PRTG: variants seen among roughly 807,000 people sequenced by gnomAD.
The protein encoded by PRTG is immunoglobulin superfamily, DCC subclass, member 5.
PRTG carries 67 observed loss-of-function variants against 122.5 expected under a neutral mutation model. The observed-to-expected ratio is 0.55, with a 90% confidence interval of 0.45 to 0.67. The LOEUF is 0.67. PRTG is among the 30% of genes least tolerant of loss of function. The pLI is 0.00. For missense variants in PRTG, 1,435 were observed against 1,415.4 expected (o/e 1.01, Z -0.22); for synonymous variants, 554 against 501.1 (o/e 1.11, Z -1.41).
At chr15:55,736,470 C>T (rs1348518603) in intron 2 of PRTG, among the ~76,000 whole-genome samples, 1 of 151,552 alleles carries the variant, frequency 6.6e-6, no homozygotes, top group Non-Finnish European at 1.5e-5. Context: ...TTATGCATTA[C>T]TTTTTAATAC....
rs752818652 is a variant in PRTG, at chr15:55,620,063, G to A, written c.3402C>T (p.Asn1134=). 8 of 1,614,040 alleles carry A rather than the reference G, an allele frequency of 5.0e-6. No homozygotes were observed. The highest frequency in any genetic ancestry group is 2.2e-5 in the South Asian group (2 of 91,078). The change falls in exon 20 of 20, where the codon AAC becomes AAT. Residue 1134 remains asparagine, a synonymous_variant. Transcript: ENST00000389286. ...TAACTGAGGACAGATGTATCTCATC[G>A]TTGGACTCATGAGAAAACCGCCCAG... ...GDSGRFSHES[N]DEIHLSSVIS...
At chr15:55,660,361 T>TA (rs1417503258) in intron 11 of PRTG, among the ~76,000 whole-genome samples, 1 of 151,958 alleles carries the variant, frequency 6.6e-6, no homozygotes, top group African/African-American at 2.4e-5. Flanking sequence ...GGGTTTCTTT[T>TA]AAAAAAAAGA....
intron 17 of PRTG, 52 bp from the exon 18 acceptor site, chr15:55,624,559 C>G: frequency 6.6e-7 from 1 of 1,509,480 alleles, no homozygotes; most frequent in African/African-American, 1.4e-5. Flanking sequence ...AAGATGCAGG[C>G]AAATGAACCA....
chr15:55,705,557 G>A (rs1243680258), intron 2 of PRTG, among the ~76,000 whole-genome samples: 2 of 152,070 alleles, frequency 1.3e-5, no homozygotes, highest in Admixed American at 6.6e-5. Context: ...AGGTTCAAGC[G>A]ATTCTCCTGC....
At chr15:55,742,655 A>T (rs2031650088) in intron 1 of PRTG, 183 bp downstream of exon 1, 1 of 676,692 alleles carries the variant, frequency 1.5e-6, no homozygotes, top group East Asian at 3.2e-5. Context: ...GCCGCAAGCA[A>T]CTAGTGTCTG....
At chr15:55,680,252 A>C (rs758208556) in intron 5 of PRTG, 40 bp from the exon 6 acceptor site, 34 of 1,470,146 alleles carry the variant, frequency 2.3e-5, no homozygotes, top group Non-Finnish European at 2.9e-5. Context: ...CAATGTAACA[A>C]ATAACCTGAA....
intron 2 of PRTG, among the ~76,000 whole-genome samples, chr15:55,729,128 C>T (rs2031141802): frequency 6.6e-6 from 1 of 152,118 alleles, no homozygotes; most frequent in Non-Finnish European, 1.5e-5. Context: ...ATTCAAGTGT[C>T]CAACAGATGA....
intron 13 of PRTG, 46 bp downstream of exon 13, chr15:55,639,596 G>T: frequency 1.3e-6 from 2 of 1,537,860 alleles, no homozygotes; most frequent in Non-Finnish European, 1.8e-6. Context: ...GAGTGGGGGT[G>T]TGGTGAGGTA....
chr15:55,706,608 T>G (rs978133720), intron 2 of PRTG, among the ~76,000 whole-genome samples: 19 of 143,600 alleles, frequency 1.3e-4, no homozygotes, highest in African/African-American at 4.6e-4. Flanking sequence ...AAAAAAAAAG[T>G]TGTTTTAATT....
intron 2 of PRTG, among the ~76,000 whole-genome samples, chr15:55,723,132 T>C (rs1489140598): frequency 2.6e-5 from 4 of 152,054 alleles, no homozygotes; most frequent in African/African-American, 4.8e-5. Context: ...AGGGAAACCT[T>C]GCGGCATGCC....
intron 11 of PRTG, among the ~76,000 whole-genome samples, chr15:55,659,626 A>T (rs1192159367): frequency 6.6e-6 from 1 of 152,132 alleles, no homozygotes; most frequent in Non-Finnish European, 1.5e-5. Flanking sequence ...CCTAATGGGT[A>T]ATCACTTAAC....
chr15:55,619,852 C>A lies in PRTG; in HGVS notation c.*160G>T. The A allele has an allele frequency of 8.2e-7, 1 of 1,212,720 alleles. No individual in the cohort carries two copies. Among genetic ancestry groups the A allele is most frequent in the Non-Finnish European group, 1.1e-6 (1 of 882,042 alleles). 75.1% of individuals were successfully genotyped at this position (1,212,720 alleles called of 1,614,324 possible). A position where few individuals can be genotyped will look rare whatever the true frequency, so the allele number is the denominator to read the frequency against. ...AGATTTAATGGTGAGAATACCTGAG[C>A]ATGGCCGTCTAGATTGGAAAATCAT... On this transcript the variant is annotated 3_prime_UTR_variant, in exon 20 of 20. Transcript: ENST00000389286.
intron 2 of PRTG, among the ~76,000 whole-genome samples, chr15:55,690,915 T>C (rs2059596934): frequency 2.0e-5 from 3 of 152,216 alleles, no homozygotes; most frequent in African/African-American, 4.8e-5. Context: ...AGTTTGCAGC[T>C]AGTAAGTGGT....
intron 2 of PRTG, among the ~76,000 whole-genome samples, chr15:55,711,740 A>G (rs551641293): frequency 1.3e-5 from 2 of 152,316 alleles, no homozygotes; most frequent in East Asian, 3.9e-4. Flanking sequence ...TGATCAGCCA[A>G]TCCTGGCCCT....
chr15:55,651,624 A>G (rs1286456677), intron 11 of PRTG, among the ~76,000 whole-genome samples: 1 of 152,250 alleles, frequency 6.6e-6, no homozygotes, highest in Non-Finnish European at 1.5e-5. Flanking sequence ...TGGAAAATGC[A>G]TAAGAAAAAA....
Position 55,675,406 on chromosome 15 carries a change from T to C in PRTG, c.1546+113A>G, listed in dbSNP as rs183694635. Reference sequence around the variant, plus strand: ...GAGATTTTGAACGGCAAATTTAACATACCTGTTTTTTAACCAAAAAGAGGA... The same window carrying C: ...GAGATTTTGAACGGCAAATTTAACACACCTGTTTTTTAACCAAAAAGAGGA... On this transcript the variant is annotated intron_variant, in intron 9 of 19. Coordinates refer to ENST00000389286, the MANE Select transcript of PRTG (RefSeq NM_173814.6). 1.1e-4 allele frequency: 77 copies of C among 706,654 alleles called. 1 individual carries two copies. The African/African-American group carries it at 1.1e-3, about 10-fold the overall frequency. 43.8% of individuals were successfully genotyped at this position (706,654 alleles called of 1,614,324 possible).
chr15:55,706,411 A>G (rs2030119049), intron 2 of PRTG, among the ~76,000 whole-genome samples: 1 of 151,850 alleles, frequency 6.6e-6, no homozygotes, highest in South Asian at 2.1e-4. Context: ...TACACAACAC[A>G]TGCAGAGAAC....
intron 15 of PRTG, among the ~76,000 whole-genome samples, chr15:55,634,882 C>A (rs888062468): frequency 6.6e-6 from 1 of 152,040 alleles, no homozygotes; most frequent in African/African-American, 2.4e-5. Context: ...TACTGAGGGC[C>A]CCAGTGAATT....
At position 55,738,017 on chromosome 15, in the gene PRTG, TATATATATAC is replaced by T. The variant is rs1367631074; in HGVS notation, c.397+2355_397+2364del. ...CTCTCTCTCTCTATATATATATATA[TATATATATAC>T]ACACACACACACACACACACACACC... On this transcript the variant is annotated intron_variant, in intron 2 of 19. Transcript: ENST00000389286. Among the ~76,000 whole-genome samples the T allele has an allele frequency of 4.8e-3, 554 of 114,724 alleles. 1 individual carries two copies. The highest frequency in any genetic ancestry group is 0.015 in the African/African-American group (478 of 32,586). The allele number at this position is 114,724 out of a possible 152,430, so 75.3% of individuals were successfully genotyped here.
Sources: allele counts gnomAD v4.1 joint callset (sites outside exome capture counted in the v4.1 genomes callset), GRCh38; gene constraint gnomAD v4.1.1; transcripts MANE v1.5; gene names NCBI Gene and HGNC (gene_info 2026-07-23, HGNC 2026-07-21).